PTPRK: variants seen among roughly 807,000 people sequenced by gnomAD.
PTPRK encodes the protein protein tyrosine phosphatase receptor type K.
In PTPRK, 75 loss-of-function variants were observed where a neutral mutation model predicts 178.0. The ratio of observed to expected loss-of-function variants is 0.42; its 90% CI spans 0.35 to 0.51. The LOEUF is 0.51. Ranked by LOEUF, PTPRK falls within the 20% of genes least tolerant of loss-of-function variation. PTPRK has a pLI of 0.02. For synonymous variants in PTPRK, 637 were observed against 620.6 expected (o/e 1.03, Z -0.39); for missense variants, 1,441 against 1,797.8 (o/e 0.80, Z 3.59).
intron 2 of PTPRK, among the ~76,000 whole-genome samples, chr6:128,322,678 A>ATATATATATATATATATATATATATG (rs1562282569): frequency 1.5e-4 from 23 of 151,560 alleles, no homozygotes; most frequent in African/African-American, 5.3e-4. Context: ...ATATATATAT[A>ATATATATATATATATATATATATATG]TATGTATACA....
At chr6:128,261,660 T>A (rs912044521) in intron 3 of PTPRK, among the ~76,000 whole-genome samples, 3 of 152,188 alleles carry the variant, frequency 2.0e-5, no homozygotes, top group Non-Finnish European at 4.4e-5. Flanking sequence ...CCTGCAGGCA[T>A]CAAGCACTTA....
chr6:128,149,259 A>C (rs542182497), intron 7 of PTPRK, among the ~76,000 whole-genome samples: 1 of 152,078 alleles, frequency 6.6e-6, no homozygotes, highest in South Asian at 2.1e-4. Flanking sequence ...ATATGTAACA[A>C]ACCTGCACAT....
At chr6:128,148,761 TAG>T (rs1365080209) in intron 7 of PTPRK, among the ~76,000 whole-genome samples, 1 of 152,086 alleles carries the variant, frequency 6.6e-6, no homozygotes, top group Non-Finnish European at 1.5e-5. Context: ...TAAAACATTT[TAG>T]AGTTATCAAA....
At chr6:128,005,282 G>A (rs549707578) in intron 14 of PTPRK, 38 bp from the exon 15 acceptor site, 1 of 1,605,556 alleles carries the variant, frequency 6.2e-7, no homozygotes, top group Admixed American at 1.7e-5. Flanking sequence ...CTTAGTGTTT[G>A]AGGCTTGCAG....
intron 10 of PTPRK, 80 bp from the exon 11 acceptor site, chr6:128,078,998 T>C: frequency 2.3e-6 from 2 of 875,758 alleles, no homozygotes; most frequent in Non-Finnish European, 3.5e-6. Flanking sequence ...CAGACAATCT[T>C]AAGTTAGGAA....
At chr6:128,444,975 AC>A (rs1357691652) in intron 1 of PTPRK, among the ~76,000 whole-genome samples, 2 of 152,016 alleles carry the variant, frequency 1.3e-5, no homozygotes, top group African/African-American at 4.8e-5. Flanking sequence ...TATATACAAT[AC>A]CATAAATATA....
At chr6:128,334,348 T>C (rs888571186) in intron 2 of PTPRK, among the ~76,000 whole-genome samples, 1 of 152,192 alleles carries the variant, frequency 6.6e-6, no homozygotes, top group Non-Finnish European at 1.5e-5. Context: ...CTGTACTGAA[T>C]GATGTAAGTT....
chr6:128,066,037 C>T (rs1393339401), intron 12 of PTPRK, among the ~76,000 whole-genome samples: 1 of 152,104 alleles, frequency 6.6e-6, no homozygotes. Context: ...AGAGAAAATC[C>T]TTTATAAGTA....
intron 13 of PTPRK, 55 bp downstream of exon 13, chr6:128,064,703 A>G: frequency 1.3e-6 from 2 of 1,552,370 alleles, no homozygotes; most frequent in Non-Finnish European, 1.7e-6. Flanking sequence ...AAGTCCTTCC[A>G]TTTTAGAAAG....
intron 21 of PTPRK, among the ~76,000 whole-genome samples, chr6:127,986,454 C>T (rs561466034): frequency 2.2e-4 from 34 of 152,148 alleles, no homozygotes; most frequent in Non-Finnish European, 3.5e-4. Flanking sequence ...AATAATTCAG[C>T]GCAGTATTAT....
chr6:128,472,106 C>T (rs911555649), intron 1 of PTPRK, among the ~76,000 whole-genome samples: 3 of 152,094 alleles, frequency 2.0e-5, no homozygotes, highest in African/African-American at 7.2e-5. Flanking sequence ...CACACCTTGC[C>T]ATCTCTCCAA....
intron 3 of PTPRK, among the ~76,000 whole-genome samples, chr6:128,295,161 ACT>A (rs1176407799): frequency 6.6e-6 from 1 of 152,156 alleles, no homozygotes; most frequent in Admixed American, 6.6e-5. Context: ...ACATATGAAT[ACT>A]TTCAAACTAT....
At chr6:128,358,432 A>C (rs1834248764) in intron 2 of PTPRK, among the ~76,000 whole-genome samples, 1 of 152,236 alleles carries the variant, frequency 6.6e-6, no homozygotes, top group Non-Finnish European at 1.5e-5. Context: ...AACAGTGTGC[A>C]GCTGAATGAA....
chr6:128,322,400 T>C, intron 2 of PTPRK, 90 bp from the exon 3 acceptor site: 1 of 1,297,982 alleles, frequency 7.7e-7, no homozygotes, highest in Non-Finnish European at 1.1e-6. Flanking sequence ...ATTCTGAGCA[T>C]TAAATTTAAG....
At chr6:128,321,149 A>G (rs1006182533) in intron 3 of PTPRK, 7 of 152,196 alleles carry the variant, frequency 4.6e-5, no homozygotes, top group African/African-American at 1.7e-4. Context: ...TAGTTTATAT[A>G]TTGCTTGCTG....
intron 7 of PTPRK, among the ~76,000 whole-genome samples, chr6:128,091,085 A>G (rs575037863): frequency 6.6e-6 from 1 of 152,312 alleles, no homozygotes; most frequent in East Asian, 1.9e-4. Flanking sequence ...ATTCTAGTTC[A>G]ATATATTTAA....
intron 3 of PTPRK, among the ~76,000 whole-genome samples, chr6:128,309,079 T>C (rs941272651): frequency 6.6e-6 from 1 of 152,182 alleles, no homozygotes. Flanking sequence ...GTCAAGTCAA[T>C]AGGTTATCAA....
intron 13 of PTPRK, among the ~76,000 whole-genome samples, chr6:128,025,692 G>A (rs934646082): frequency 1.3e-5 from 2 of 152,172 alleles, no homozygotes; most frequent in Admixed American, 6.5e-5. Context: ...CCTCGCTGCT[G>A]AGGCTCTAGA....
chr6:128,490,095 A>T (rs1249737544), intron 1 of PTPRK, among the ~76,000 whole-genome samples: 1 of 152,210 alleles, frequency 6.6e-6, no homozygotes, highest in Non-Finnish European at 1.5e-5. Context: ...TGGTCACTTT[A>T]ATTCAAACAA....
Sources: gnomAD v4.1 joint callset for allele counts (sites outside exome capture counted in the v4.1 genomes callset) on GRCh38, gnomAD v4.1.1 for gene constraint, MANE v1.5 for transcripts, NCBI Gene and HGNC (gene_info 2026-07-23, HGNC 2026-07-21) for gene names.